Variants in ZFHX3 observed in about 807,000 individuals in gnomAD.
The protein encoded by ZFHX3 is zinc finger homeobox 3.
ZFHX3 carries 42 observed loss-of-function variants against 279.1 expected under a neutral mutation model. That is an observed-to-expected ratio of 0.15 (90% CI 0.12 to 0.19). The LOEUF (loss-of-function observed/expected upper bound fraction) is 0.19, where lower values mean the gene tolerates loss of function less well. Among genes scored for constraint, ZFHX3 ranks in the 10% least tolerant of loss-of-function variants. ZFHX3 has a pLI of 1.00. For synonymous variants in ZFHX3, 2,293 were observed against 1,957.8 expected (o/e 1.17, Z -4.52); for missense variants, 4,981 against 4,754.0 (o/e 1.05, Z -1.40).
intron 2 of ZFHX3, among the ~76,000 whole-genome samples, chr16:73,486,084 G>A (rs1360508255): frequency 6.6e-6 from 1 of 152,174 alleles, no homozygotes; most frequent in East Asian, 1.9e-4. Flanking sequence ...GCTTAATTGA[G>A]GGCCTAAAGT....
chr16:72,863,883 G>A (rs758514802), intron 4 of ZFHX3, among the ~76,000 whole-genome samples: 2 of 152,100 alleles, frequency 1.3e-5, no homozygotes, highest in Non-Finnish European at 2.9e-5. Flanking sequence ...TTGGGAGGCC[G>A]AGGTGGGTGG....
intron 2 of ZFHX3, among the ~76,000 whole-genome samples, chr16:73,542,659 C>A (rs2020039334): frequency 6.6e-6 from 1 of 151,984 alleles, no homozygotes; most frequent in South Asian, 2.1e-4. Flanking sequence ...CATGGGGTTG[C>A]CAGACTTAGC....
intron 1 of ZFHX3, among the ~76,000 whole-genome samples, chr16:73,831,202 A>C (rs935801048): frequency 3.3e-5 from 5 of 152,178 alleles, no homozygotes; most frequent in African/African-American, 1.2e-4. Context: ...TCAAGGCTAA[A>C]GGGATTTGAA....
chr16:72,802,903 T>C (rs1400074352), intron 7 of ZFHX3, among the ~76,000 whole-genome samples: 2 of 152,116 alleles, frequency 1.3e-5, no homozygotes, highest in Non-Finnish European at 2.9e-5. Context: ...GATATATATA[T>C]CCAAAGGCAG....
chr16:72,887,707 G>A (rs2038664025), intron 4 of ZFHX3, among the ~76,000 whole-genome samples: 1 of 150,232 alleles, frequency 6.7e-6, no homozygotes, highest in East Asian at 2.0e-4. Flanking sequence ...GTATGTGGGG[G>A]AGGTGCACGC....
intron 2 of ZFHX3, chr16:73,499,955 C>A (rs963505529): frequency 6.6e-6 from 1 of 152,130 alleles, no homozygotes; most frequent in Non-Finnish European, 1.5e-5. Flanking sequence ...TACTGCACTG[C>A]CAGTCATATA....
At chr16:73,409,425 A>G (rs868760212) in intron 3 of ZFHX3, among the ~76,000 whole-genome samples, 1 of 152,326 alleles carries the variant, frequency 6.6e-6, no homozygotes, top group Middle Eastern at 3.4e-3. Flanking sequence ...AACTGTTTTC[A>G]TGCCCCAGTT....
At chr16:72,971,017 C>T (rs1178328449) in intron 1 of ZFHX3, among the ~76,000 whole-genome samples, 2 of 152,212 alleles carry the variant, frequency 1.3e-5, no homozygotes, top group Non-Finnish European at 2.9e-5. Flanking sequence ...TAGAGAACCA[C>T]TGGTAGGTAG....
intron 2 of ZFHX3, among the ~76,000 whole-genome samples, chr16:73,546,820 G>A (rs1208061914): frequency 6.6e-6 from 1 of 151,726 alleles, no homozygotes; most frequent in African/African-American, 2.4e-5. Flanking sequence ...ATCACAGTTG[G>A]GGGGTGAGGG....
intron 4 of ZFHX3, among the ~76,000 whole-genome samples, chr16:72,851,438 G>A (rs1261442807): frequency 6.6e-6 from 1 of 152,150 alleles, no homozygotes. Context: ...TTCTTGCAAC[G>A]GCAAAAGTCC....
intron 3 of ZFHX3, among the ~76,000 whole-genome samples, chr16:73,370,882 G>GT (rs1299895291): frequency 6.6e-6 from 1 of 152,178 alleles, no homozygotes; most frequent in Non-Finnish European, 1.5e-5. Context: ...GTTCCTCCCT[G>GT]TTTTTTGGAC....
At chr16:73,136,633 G>C (rs1966799650) in intron 6 of ZFHX3, among the ~76,000 whole-genome samples, 1 of 149,704 alleles carries the variant, frequency 6.7e-6, no homozygotes, top group Admixed American at 6.7e-5. Context: ...GCTGAGGTGG[G>C]AGGATCACTT....
chr16:73,136,389 T>C lies in ZFHX3; in HGVS notation c.-1023-5295A>G, dbSNP rs75414748. ...TCCCAAAGAGCTTCATTCTAAACTA[T>C]CTATTAGGTTGGTGCAAAAGTCATT... On this transcript the variant is annotated intron_variant, in intron 6 of 17. Coordinates refer to the ZFHX3 transcript ENST00000641206. Among the ~76,000 whole-genome samples the C allele has an allele frequency of 3.7e-3, 570 of 152,150 alleles. 1 individual carries two copies. Among genetic ancestry groups the C allele is most frequent in the African/African-American group, 0.013 (555 of 41,502 alleles).
At chr16:73,639,639 G>A (rs1472952739) in intron 2 of ZFHX3, among the ~76,000 whole-genome samples, 3 of 152,058 alleles carry the variant, frequency 2.0e-5, no homozygotes, top group South Asian at 2.1e-4. Context: ...TAAATTTAAT[G>A]GCATTAAAAG....
intron 1 of ZFHX3, among the ~76,000 whole-genome samples, chr16:73,782,179 G>T (rs1047019313): frequency 6.6e-6 from 1 of 152,164 alleles, no homozygotes; most frequent in Non-Finnish European, 1.5e-5. Context: ...CGGAGCTCCT[G>T]TGTCCAAATG....
intron 1 of ZFHX3, among the ~76,000 whole-genome samples, chr16:72,989,213 G>A (rs551766950): frequency 2.0e-5 from 3 of 151,842 alleles, no homozygotes; most frequent in South Asian, 4.2e-4. Context: ...AGCCAGGTGC[G>A]GCTGTTCATG....
At chr16:73,144,909 C>T (rs1409548239) in intron 5 of ZFHX3, among the ~76,000 whole-genome samples, 1 of 152,218 alleles carries the variant, frequency 6.6e-6, no homozygotes, top group African/African-American at 2.4e-5. Context: ...CCTGGCATAA[C>T]ACTTCAATCT....
intron 3 of ZFHX3, among the ~76,000 whole-genome samples, chr16:73,334,756 G>T (rs1030001521): frequency 7.2e-6 from 1 of 138,898 alleles, no homozygotes; most frequent in African/African-American, 2.7e-5. Context: ...TCAGTCCTGT[G>T]ATCTTCCATT....
intron 1 of ZFHX3, among the ~76,000 whole-genome samples, chr16:73,726,563 G>A (rs954441016): frequency 1.3e-5 from 2 of 152,150 alleles, no homozygotes; most frequent in African/African-American, 2.4e-5. Context: ...AAAGGAAAGA[G>A]GTTTGAGTGG....
Sources: allele counts gnomAD v4.1 joint callset (sites outside exome capture counted in the v4.1 genomes callset), GRCh38; gene constraint gnomAD v4.1.1; transcripts MANE v1.5; gene names NCBI Gene and HGNC (gene_info 2026-07-23, HGNC 2026-07-21).